UEVLD: variants seen among roughly 807,000 people sequenced by gnomAD.
UEVLD encodes UEV and lactate/malate dehyrogenase domains.
In UEVLD, 47 loss-of-function variants were observed where a neutral mutation model predicts 58.6. That is an observed-to-expected ratio of 0.80 (90% CI 0.63 to 1.02). The LOEUF (loss-of-function observed/expected upper bound fraction) is 1.02, where lower values mean the gene tolerates loss of function less well. UEVLD is among the 50% of genes least tolerant of loss of function. The pLI, the probability that UEVLD is intolerant of heterozygous loss-of-function variation, is 0.00. For missense variants in UEVLD, 510 were observed against 550.6 expected, an observed-to-expected ratio of 0.93 and a Z score of 0.74; for synonymous variants, 197 against 195.3, an observed-to-expected ratio of 1.01 and a Z score of -0.07.
rs745845935 is a variant in UEVLD at position 18,588,562 on chromosome 11, A to AC, written c.42+50dup. On this transcript the variant is annotated intron_variant, in intron 1 of 11. Transcript: ENST00000396197. ...AGGCAACCTGGCCAAAGGCAGAGGC[A>AC]CCCCCCGCAAGACCCTGAGGACCCA... The AC allele has an allele frequency of 4.4e-6, 7 of 1,594,982 alleles. No individual in the cohort carries two copies. The East Asian group carries it at 6.8e-5, about 15-fold the overall frequency.
intron 7 of UEVLD, among the ~76,000 whole-genome samples, chr11:18,554,097 C>G (rs1195525963): frequency 6.6e-6 from 1 of 151,406 alleles, no homozygotes; most frequent in Non-Finnish European, 1.5e-5. Flanking sequence ...TTAATAGTTT[C>G]TTTTTTTTTG....
In UEVLD at chr11:18,547,045, A is replaced by G. The variant is rs777752057; in HGVS notation, c.721T>C (p.Ser241Pro). The G allele has an allele frequency of 6.2e-7, 1 of 1,609,870 alleles. No homozygotes were observed. The highest frequency in any genetic ancestry group is 8.5e-7 in the Non-Finnish European group (1 of 1,179,100). Residue 241 changes from serine (S) to proline (P), a missense_variant, in exon 8 of 12, where the codon TCT (serine) becomes CCT (proline). Coordinates refer to ENST00000396197, the MANE Select transcript of UEVLD (RefSeq NM_001040697.4). ...ACCACCTTGGAATGAGCAGAGGCAG[A>G]CAAATCTAGTGAATGAAAAGAAACA... ...LPNVEISKDL[S>P]ASAHSKVVIF...
At position 18,532,087 on chromosome 11, in the gene UEVLD, T is replaced by C. The variant is rs920613730; in HGVS notation, c.*233A>G. 3.1e-6 allele frequency: 1 copy of C among 320,716 alleles called. No homozygotes were observed. Among genetic ancestry groups the C allele is most frequent in the African/African-American group, 2.1e-5 (1 of 46,774 alleles). 19.9% of individuals were successfully genotyped at this position (320,716 alleles called of 1,614,324 possible). On this transcript the variant is annotated 3_prime_UTR_variant, in exon 12 of 12. Coordinates refer to ENST00000396197, the MANE Select transcript of UEVLD (RefSeq NM_001040697.4). ...GATGAATGTTTACCCCTGCTGTAGA[T>C]TTAAAGAACAGCATAGATATCTCAA...
intron 6 of UEVLD, chr11:18,563,648 G>C: frequency 1.0e-6 from 1 of 972,880 alleles, no homozygotes. Flanking sequence ...CAAGCAACTT[G>C]AAATGTTTAT....
At position 18,578,777 on chromosome 11, in the gene UEVLD, A is replaced by G; in HGVS notation, c.74T>C (p.Leu25Pro). 6.2e-7 allele frequency: 1 copy of G among 1,608,506 alleles called. No homozygotes were observed. The highest frequency in any genetic ancestry group is 1.1e-5 in the South Asian group (1 of 89,722). The change falls in exon 2 of 12, where the codon CTA (leucine) becomes CCA (proline). Residue 25 changes from leucine to proline, a missense_variant. Coordinates refer to ENST00000396197, the MANE Select transcript of UEVLD (RefSeq NM_001040697.4). ...TGGGAAAAATACATTTACATTCCTT[A>G]GTTCTTCCACAGTTAGGTCCCTGAA... is the stretch of plus-strand genomic sequence containing the variant. ...YKFRDLTVEELRNVNVFFPHF... is the reference protein window; with the variant it reads ...YKFRDLTVEEPRNVNVFFPHF...
chr11:18,532,404 GGTTTT>G lies in UEVLD; in HGVS notation c.1327_1331del (p.Lys443HisfsTer9). The G allele has an allele frequency of 6.2e-7, 1 of 1,613,346 alleles. No individual in the cohort carries two copies. Among genetic ancestry groups the G allele is most frequent in the Non-Finnish European group, 8.5e-7 (1 of 1,179,664 alleles). On this transcript the variant is annotated frameshift_variant, in exon 12 of 12. Coordinates refer to ENST00000396197, the MANE Select transcript of UEVLD (RefSeq NM_001040697.4). LOFTEE classifies it high-confidence loss of function. ...CAGTAACTGTATCTTCTTTCAGTGT[GGTTTT>G]GATAACTTCAGATACTCCATTGGTT... is the stretch of plus-strand genomic sequence containing the variant.
At position 18,546,989 on chromosome 11, in the gene UEVLD, A is replaced by C; in HGVS notation, c.777T>G (p.Ser259=). 6.2e-7 allele frequency: 1 copy of C among 1,614,176 alleles called. No individual in the cohort carries two copies. Among genetic ancestry groups the C allele is most frequent in the African/African-American group, 1.3e-5 (1 of 75,072 alleles). The change falls in exon 8 of 12, where the codon TCT becomes TCG. Residue 259 remains serine, a synonymous_variant. Transcript: ENST00000396197. The part of the protein sequence containing the change: ...VIFTVNSLGS[S]QSYLDVVQSN... ...TCTGTACCACATCAAGGTACGACTG[A>C]GAACTACCCAAAGAGTTGACTGTGA...
chr11:18,581,464 A>G lies in UEVLD; in HGVS notation c.43-2656T>C, dbSNP rs571209179. On this transcript the variant is annotated intron_variant, in intron 1 of 11. Coordinates refer to ENST00000396197, the MANE Select transcript of UEVLD (RefSeq NM_001040697.4). ...ATTGGGAGGCCAAGGCAGGCAAATC[A>G]CTTGAGGTCAGGAGTTCGAGAACAG... 2.0e-5 allele frequency among the ~76,000 whole-genome samples: 3 copies of G among 152,258 alleles called. No homozygotes were observed. The South Asian group carries it at 6.2e-4, about 32-fold the overall frequency.
intron 7 of UEVLD, among the ~76,000 whole-genome samples, chr11:18,551,813 TCA>T (rs1851542786): frequency 6.6e-6 from 1 of 152,218 alleles, no homozygotes; most frequent in Non-Finnish European, 1.5e-5. Flanking sequence ...CAAAGGCTGG[TCA>T]CAGTTATACT....
intron 9 of UEVLD, among the ~76,000 whole-genome samples, chr11:18,537,253 A>T (rs1321335813): frequency 6.6e-6 from 1 of 150,718 alleles, no homozygotes; most frequent in Non-Finnish European, 1.5e-5. Context: ...CTTTTACTAC[A>T]TCATTTACAA....
At chr11:18,545,802 G>A (rs1851283222) in intron 8 of UEVLD, among the ~76,000 whole-genome samples, 1 of 152,160 alleles carries the variant, frequency 6.6e-6, no homozygotes, top group African/African-American at 2.4e-5. Flanking sequence ...TCCTAGAACA[G>A]TTAAGTGAGG....
chr11:18,552,970 A>G (rs1851595784), intron 7 of UEVLD, among the ~76,000 whole-genome samples: 1 of 150,214 alleles, frequency 6.7e-6, no homozygotes, highest in Non-Finnish European at 1.5e-5. Flanking sequence ...CCTGGCTAAC[A>G]TGGTGAAACC....
Position 18,566,850 on chromosome 11 carries a change from C to G in UEVLD, c.358-368G>C, listed in dbSNP as rs189681546. Among the ~76,000 whole-genome samples, 20 of 152,092 alleles carry G rather than the reference C, an allele frequency of 1.3e-4. No individual in the cohort carries two copies. In the East Asian group the frequency reaches 3.9e-3, roughly 29 times the overall value. On this transcript the variant is annotated intron_variant, in intron 4 of 11. Transcript: ENST00000396197. ...GAAGAAATGCTAATTCAACATTTCC[C>G]AAAAGTAGAAAAATAGCATGAATAT...
At chr11:18,586,496 C>T (rs941167152) in intron 1 of UEVLD, among the ~76,000 whole-genome samples, 33 of 152,242 alleles carry the variant, frequency 2.2e-4, no homozygotes, top group Admixed American at 1.2e-3. Flanking sequence ...GAATTACAGA[C>T]GTGAGCTACC....
chr11:18,559,972 C>T (rs1423498536), intron 6 of UEVLD, among the ~76,000 whole-genome samples: 1 of 151,438 alleles, frequency 6.6e-6, no homozygotes, highest in Non-Finnish European at 1.5e-5. Flanking sequence ...AGAAAACAAC[C>T]CTGGCTGGGC....
In UEVLD at chr11:18,558,453, A is replaced by C. The variant is rs1851859805; in HGVS notation, c.613-123T>G. The C allele has an allele frequency of 6.0e-6, 3 of 496,604 alleles. No individual in the cohort carries two copies. In the Admixed American group the frequency reaches 1.2e-4, roughly 19 times the overall value. 30.8% of individuals were successfully genotyped at this position (496,604 alleles called of 1,614,324 possible). The stretch of plus-strand genomic sequence containing the variant: ...TACACTGTCTTTTAGTGTTAAGAAG[A>C]GTAAGTAACACAATAGCAATAAAAG... On this transcript the variant is annotated intron_variant, in intron 6 of 11. Coordinates refer to ENST00000396197, the MANE Select transcript of UEVLD (RefSeq NM_001040697.4).
intron 7 of UEVLD, among the ~76,000 whole-genome samples, chr11:18,550,203 G>C (rs1380420083): frequency 1.3e-5 from 2 of 152,076 alleles, no homozygotes; most frequent in African/African-American, 4.8e-5. Flanking sequence ...GCCGAGGCTG[G>C]ATTCAAATCC....
At chr11:18,555,899 T>C (rs892721149) in intron 7 of UEVLD, among the ~76,000 whole-genome samples, 1 of 152,016 alleles carries the variant, frequency 6.6e-6, no homozygotes, top group Non-Finnish European at 1.5e-5. Flanking sequence ...CAATAAGCTA[T>C]GATGGCACCG....
intron 6 of UEVLD, among the ~76,000 whole-genome samples, chr11:18,561,878 G>A (rs1200945011): frequency 2.0e-5 from 3 of 151,120 alleles, no homozygotes; most frequent in African/African-American, 7.3e-5. Context: ...CAGCCTGGGT[G>A]ACTGAGCGAG....
Sources: gnomAD v4.1 joint callset for allele counts (sites outside exome capture counted in the v4.1 genomes callset) on GRCh38, gnomAD v4.1.1 for gene constraint, MANE v1.5 for transcripts, NCBI Gene and HGNC (gene_info 2026-07-23, HGNC 2026-07-21) for gene names.